The following TESMIN variants were observed in gnomAD, a reference collection of about 807,000 sequenced individuals.
TESMIN encodes testis expressed metallothionein like protein, also known as CXC domain containing 2.
TESMIN carries 34 observed loss-of-function variants against 47.4 expected under a neutral mutation model. The ratio of observed to expected loss-of-function variants is 0.72; its 90% CI spans 0.55 to 0.96. The LOEUF is 0.96. TESMIN is among the 40% of genes least tolerant of loss of function. The pLI is 0.00. For missense variants in TESMIN, 610 were observed against 637.2 expected (o/e 0.96, Z 0.46); for synonymous variants, 278 against 258.9 (o/e 1.07, Z -0.71).
chr11:68,737,887 T>C (rs1292766276), intron 6 of TESMIN: 6 of 946,248 alleles, frequency 6.3e-6, no homozygotes, highest in Non-Finnish European at 7.6e-6. Flanking sequence ...TATTCCAGCC[T>C]GGGTGACAGA....
Position 68,750,170 on chromosome 11 carries a change from AT to A in TESMIN, c.471+19del, listed in dbSNP as rs1946571920. On this transcript the variant is annotated intron_variant, in intron 2 of 9. Transcript: ENST00000255087. The stretch of plus-strand genomic sequence containing the variant: ...AAGGGATGGAGGGGGAGCTGTGCCC[AT>A]TCCCCAGGCGGTTCTTACTGGGATC... The A allele has an allele frequency of 5.5e-6, 8 of 1,448,988 alleles. No homozygotes were observed. The highest frequency in any genetic ancestry group is 7.2e-6 in the Non-Finnish European group (8 of 1,107,660). The allele number at this position is 1,448,988 out of a possible 1,614,324, so 89.8% of individuals were successfully genotyped here.
intron 4 of TESMIN, among the ~76,000 whole-genome samples, chr11:68,743,801 C>T (rs537880120): frequency 2.0e-5 from 3 of 152,268 alleles, no homozygotes; most frequent in Non-Finnish European, 2.9e-5. Flanking sequence ...GAATCTCAGA[C>T]GCAGGCAGCA....
chr11:68,711,332 G>C (rs1286337139), intron 8 of TESMIN, among the ~76,000 whole-genome samples: 2 of 151,270 alleles, frequency 1.3e-5, no homozygotes, highest in Non-Finnish European at 1.5e-5. Flanking sequence ...TGTGTGTCGA[G>C]TGTGCGTGTG....
chr11:68,750,900 G>A (rs1946593899), intron 1 of TESMIN, among the ~76,000 whole-genome samples: 1 of 107,194 alleles, frequency 9.3e-6, no homozygotes, highest in Admixed American at 9.3e-5. Context: ...AGGTGAGGGG[G>A]TCAGGGGAGG....
At chr11:68,736,194 G>T (rs1049788311) in intron 6 of TESMIN, 2 of 985,156 alleles carry the variant, frequency 2.0e-6, no homozygotes, top group African/African-American at 1.7e-5. Flanking sequence ...CATCAACAAT[G>T]TGTCAGAATT....
At chr11:68,747,892 T>C (rs759521194) in intron 2 of TESMIN, among the ~76,000 whole-genome samples, 16 of 152,090 alleles carry the variant, frequency 1.1e-4, no homozygotes, top group Admixed American at 6.5e-5. Flanking sequence ...ACAGGGATAA[T>C]ACTGAAAATC....
At chr11:68,716,010 C>A in intron 6 of TESMIN, 71 bp from the exon 7 acceptor site, 2 of 1,023,076 alleles carry the variant, frequency 2.0e-6, no homozygotes, top group East Asian at 2.5e-5. Flanking sequence ...AGAGCACACA[C>A]GTGTAAGGAA....
rs1367804880 is a variant in TESMIN, at chr11:68,715,891, A to G, written c.966T>C (p.Cys322=). Residue 322 remains cysteine (C), a synonymous_variant, in exon 7 of 10, where the codon TGT becomes TGC. Transcript: ENST00000255087. Reference sequence around the variant, plus strand: ...GATGCAAGTTGTTGCAACAATTATTACAATTGCAGTTGTTGCAAAAGTCCC... The same window carrying G: ...GATGCAAGTTGTTGCAACAATTATTGCAATTGCAGTTGTTGCAAAAGTCCC... ...ASGDFCNNCN[C]NNCCNNLHHD... is the part of the protein sequence containing the mutation. 2 of 1,613,742 alleles carry G rather than the reference A, an allele frequency of 1.2e-6. 1 individual carries two copies. Among genetic ancestry groups the G allele is most frequent in the South Asian group, 2.2e-5 (2 of 91,066 alleles).
intron 6 of TESMIN, among the ~76,000 whole-genome samples, chr11:68,722,479 T>C (rs866591282): frequency 6.6e-4 from 101 of 152,170 alleles, no homozygotes; most frequent in African/African-American, 2.3e-3. Context: ...TATGGAATGC[T>C]GCCATCTGAA....
At chr11:68,720,884 A>G (rs556912524) in intron 6 of TESMIN, among the ~76,000 whole-genome samples, 1 of 152,340 alleles carries the variant, frequency 6.6e-6, no homozygotes, top group South Asian at 2.1e-4. Context: ...CTCATTCCCT[A>G]GAGATGATCA....
rs114254255 is a variant in TESMIN, at chr11:68,747,059, G to A, written c.630+149C>T. 740 of 752,000 alleles carry A rather than the reference G, an allele frequency of 9.8e-4. 4 individuals are homozygous for A. The African/African-American group carries it at 0.012, about 12-fold the overall frequency. The allele number at this position is 752,000 out of a possible 1,614,324, so 46.6% of individuals were successfully genotyped here. Reference sequence around the variant, plus strand: ...TAGAGGTGAGATGTGAAAGGCTCATGTCCCTGTTTTGCTAATGAGACAACC... The same window carrying A: ...TAGAGGTGAGATGTGAAAGGCTCATATCCCTGTTTTGCTAATGAGACAACC... On this transcript the variant is annotated intron_variant, in intron 3 of 9. Transcript: ENST00000255087.
chr11:68,738,560 C>A, intron 6 of TESMIN, 140 bp downstream of exon 6: 2 of 1,449,432 alleles, frequency 1.4e-6, no homozygotes, highest in Non-Finnish European at 1.8e-6. Flanking sequence ...AGTGGCATTG[C>A]TGATGGTAAA....
Position 68,747,345 on chromosome 11 carries a change from C to T in TESMIN, c.493G>A (p.Gly165Ser). The change falls in exon 3 of 10, where the codon GGT becomes AGT. Residue 165 changes from glycine to serine, a missense_variant. Gly to Ser is a moderately conservative substitution (Grantham distance 56). Transcript: ENST00000255087. Reference protein sequence around the residue: ...MIPVEIKEAGGTTTSNNPEEA... With the variant: ...MIPVEIKEAGSTTTSNNPEEA... ...TCCGGATTATTACTTGTAGTAGTAC[C>T]ACCTGCTTCCTTGATTTCAACCTAG... 6.2e-7 allele frequency: 1 copy of T among 1,612,878 alleles called. No homozygotes were observed. The highest frequency in any genetic ancestry group is 8.5e-7 in the Non-Finnish European group (1 of 1,178,872).
At chr11:68,723,183 C>T (rs570095350) in intron 6 of TESMIN, among the ~76,000 whole-genome samples, 16 of 151,596 alleles carry the variant, frequency 1.1e-4, no homozygotes, top group African/African-American at 2.2e-4. Flanking sequence ...AAAGAATTGA[C>T]GTACAGACTA....
intron 6 of TESMIN, among the ~76,000 whole-genome samples, chr11:68,718,158 C>CCGTCACCTGCAGCCCCCAGTCAGCCCACG: frequency 2.3e-5 from 1 of 44,140 alleles, no homozygotes; most frequent in Non-Finnish European, 5.3e-5. Context: ...GTCAGCCCAC[C>CCGTCACCTGCAGCCCCCAGTCAGCCCACG]CCTCACCTGC....
intron 6 of TESMIN, among the ~76,000 whole-genome samples, chr11:68,717,638 G>A (rs1946155426): frequency 6.6e-6 from 1 of 152,220 alleles, no homozygotes; most frequent in Non-Finnish European, 1.5e-5. Flanking sequence ...GAAGTCAGCA[G>A]GAAAGAGCTG....
At chr11:68,729,523 CA>C (rs35489556) in intron 6 of TESMIN, among the ~76,000 whole-genome samples, 14,380 of 103,402 alleles carry the variant, frequency 0.14, 650 homozygotes, top group Middle Eastern at 0.22. Flanking sequence ...GACTCTGTCT[CA>C]AAAAAAAAAA....
chr11:68,738,923 G>T, intron 5 of TESMIN, 135 bp from the exon 6 acceptor site: 1 of 707,764 alleles, frequency 1.4e-6, no homozygotes, highest in Non-Finnish European at 2.3e-6. Context: ...ACCATGTCTG[G>T]CCTTATTACC....
At chr11:68,725,820 C>G (rs1385754819) in intron 6 of TESMIN, among the ~76,000 whole-genome samples, 2 of 152,080 alleles carry the variant, frequency 1.3e-5, no homozygotes. Context: ...GCCATCCTGA[C>G]ATATTGCTTG....
Sources: gnomAD v4.1 joint callset for allele counts (sites outside exome capture counted in the v4.1 genomes callset) on GRCh38, gnomAD v4.1.1 for gene constraint, MANE v1.5 for transcripts, NCBI Gene and HGNC (gene_info 2026-07-23, HGNC 2026-07-21) for gene names.